The following NALCN variants were observed in gnomAD, a reference collection of about 807,000 sequenced individuals.
The protein encoded by NALCN is sodium leak channel, non-selective.
In NALCN, 111 loss-of-function variants were observed where a neutral mutation model predicts 225.3. The ratio of observed to expected loss-of-function variants is 0.49; its 90% CI spans 0.42 to 0.58. The LOEUF is 0.58. NALCN is among the 20% of genes least tolerant of loss of function. The pLI is 0.00. For missense variants in NALCN, 1,378 were observed against 2,202.4 expected, an observed-to-expected ratio of 0.63 and a Z score of 7.49; for synonymous variants, 764 against 769.0, an observed-to-expected ratio of 0.99 and a Z score of 0.11.
chr13:101,350,273 C>T (rs955376207), intron 6 of NALCN, among the ~76,000 whole-genome samples: 3 of 152,168 alleles, frequency 2.0e-5, no homozygotes, highest in Non-Finnish European at 2.9e-5. Flanking sequence ...CCCCTTTCCC[C>T]CAAGTATCCC....
chr13:101,412,771 T>A (rs959126486), intron 1 of NALCN, among the ~76,000 whole-genome samples: 10 of 152,218 alleles, frequency 6.6e-5, no homozygotes, highest in African/African-American at 2.4e-4. Context: ...CTCTTCTTCC[T>A]TTACCTGTGG....
At chr13:101,375,298 C>T (rs1252471226) in intron 6 of NALCN, among the ~76,000 whole-genome samples, 1 of 152,086 alleles carries the variant, frequency 6.6e-6, no homozygotes, top group African/African-American at 2.4e-5. Context: ...TTCCTGATGC[C>T]TCTAGAAAGT....
intron 26 of NALCN, among the ~76,000 whole-genome samples, chr13:101,102,680 G>A (rs1189023722): frequency 2.0e-5 from 3 of 152,166 alleles, no homozygotes; most frequent in African/African-American, 7.2e-5. Flanking sequence ...GTTAATTGAA[G>A]TGGGTTATAC....
At chr13:101,415,915 G>T (rs950614655) in intron 1 of NALCN, among the ~76,000 whole-genome samples, 1 of 152,110 alleles carries the variant, frequency 6.6e-6, no homozygotes, top group Non-Finnish European at 1.5e-5. Context: ...CTCGTCCTCA[G>T]CCACCTGCCC....
At chr13:101,398,850 G>A (rs1044923432) in intron 2 of NALCN, among the ~76,000 whole-genome samples, 169 bp downstream of exon 2, 1 of 152,164 alleles carries the variant, frequency 6.6e-6, no homozygotes, top group African/African-American at 2.4e-5. Context: ...AACTCATAGC[G>A]ACATCTCACT....
intron 15 of NALCN, among the ~76,000 whole-genome samples, chr13:101,153,818 T>C (rs2037772174): frequency 6.6e-6 from 1 of 152,226 alleles, no homozygotes; most frequent in South Asian, 2.1e-4. Context: ...AATACCTTTA[T>C]GTCCCTCTGG....
intron 15 of NALCN, among the ~76,000 whole-genome samples, chr13:101,159,743 T>C (rs1309089983): frequency 6.6e-6 from 1 of 151,960 alleles, no homozygotes; most frequent in Non-Finnish European, 1.5e-5. Flanking sequence ...GGAGATGATA[T>C]AAGTGCCAGC....
At chr13:101,172,534 T>G (rs1349850921) in intron 15 of NALCN, among the ~76,000 whole-genome samples, 1 of 152,142 alleles carries the variant, frequency 6.6e-6, no homozygotes, top group Non-Finnish European at 1.5e-5. Flanking sequence ...TGAGCCCTAC[T>G]GAGTGTTGCA....
intron 18 of NALCN, among the ~76,000 whole-genome samples, chr13:101,118,083 G>A (rs1341964407): frequency 2.6e-5 from 4 of 152,122 alleles, no homozygotes; most frequent in East Asian, 1.9e-4. Flanking sequence ...CAGACTTGGC[G>A]TGATAGTGAT....
At chr13:101,395,391 C>G (rs752089397) in intron 2 of NALCN, 26 bp from the exon 3 acceptor site, 69 of 1,605,324 alleles carry the variant, frequency 4.3e-5, no homozygotes, top group Non-Finnish European at 5.1e-5. Context: ...AGAGTTACTA[C>G]ACGGCACCAT....
At chr13:101,145,372 T>C (rs1342400642) in intron 15 of NALCN, among the ~76,000 whole-genome samples, 2 of 152,210 alleles carry the variant, frequency 1.3e-5, no homozygotes, top group Admixed American at 6.5e-5. Flanking sequence ...ATTGGTTATG[T>C]CGCCTAGCAG....
chr13:101,241,739 G>A (rs116044122), intron 11 of NALCN, among the ~76,000 whole-genome samples: 1,660 of 152,196 alleles, frequency 0.011, 29 homozygotes, highest in African/African-American at 0.038. Flanking sequence ...CACCATGCCC[G>A]GCCAGAGATA....
chr13:101,302,211 T>G (rs507644), intron 7 of NALCN, among the ~76,000 whole-genome samples: 21,116 of 152,206 alleles, frequency 0.14, 1,729 homozygotes, highest in African/African-American at 0.23. Context: ...ATGGTTCATA[T>G]CTGCATCATC....
intron 16 of NALCN, among the ~76,000 whole-genome samples, chr13:101,143,874 A>G (rs2037215289): frequency 6.6e-6 from 1 of 152,232 alleles, no homozygotes; most frequent in South Asian, 2.1e-4. Context: ...TGACTAAGAG[A>G]GAATTTTACA....
intron 7 of NALCN, among the ~76,000 whole-genome samples, chr13:101,318,329 G>A (rs140073940): frequency 1.3e-5 from 2 of 152,254 alleles, no homozygotes; most frequent in African/African-American, 4.8e-5. Flanking sequence ...CGCTGGCTGC[G>A]GTGGGGTGGT....
intron 28 of NALCN, among the ~76,000 whole-genome samples, chr13:101,092,811 C>T (rs2034306184): frequency 6.6e-6 from 1 of 152,170 alleles, no homozygotes; most frequent in South Asian, 2.1e-4. Flanking sequence ...CTTCCTAGAA[C>T]ATATCACAGT....
intron 13 of NALCN, among the ~76,000 whole-genome samples, chr13:101,224,880 T>A (rs893214408): frequency 2.6e-5 from 4 of 152,030 alleles, no homozygotes; most frequent in African/African-American, 7.2e-5. Flanking sequence ...CCCTGTAGGG[T>A]CCTTAACATC....
chr13:101,259,980 A>AT (rs56227223), intron 10 of NALCN, among the ~76,000 whole-genome samples: 58,517 of 150,724 alleles, frequency 0.39, 11,560 homozygotes, highest in Admixed American at 0.46. Context: ...TATTCTTTCT[A>AT]TTTTTTTTGT....
intron 27 of NALCN, 60 bp from the exon 28 acceptor site, chr13:101,095,740 T>C (rs2034469463): frequency 7.3e-6 from 10 of 1,361,600 alleles, no homozygotes; most frequent in East Asian, 2.3e-5. Context: ...TCAGAAAAGA[T>C]AAAGGATAGG....
Sources: allele counts gnomAD v4.1 joint callset (sites outside exome capture counted in the v4.1 genomes callset), GRCh38; gene constraint gnomAD v4.1.1; transcripts MANE v1.5; gene names NCBI Gene and HGNC (gene_info 2026-07-23, HGNC 2026-07-21).